ADAMTSL1: variants seen among roughly 807,000 people sequenced by gnomAD.
ADAMTSL1 encodes the protein ADAMTS-like protein 1.
Under a neutral mutation model 201.8 loss-of-function variants are expected in ADAMTSL1, and 126 were observed. That is an observed-to-expected ratio of 0.62 (90% CI 0.54 to 0.72). The LOEUF is 0.72. Ranked by LOEUF, ADAMTSL1 falls within the 30% of genes least tolerant of loss-of-function variation. The pLI is 0.00. For synonymous variants in ADAMTSL1, 1,121 were observed against 903.4 expected (o/e 1.24, Z -4.32); for missense variants, 2,679 against 2,277.8 (o/e 1.18, Z -3.59).
At chr9:17,953,625 T>C (rs1057502063) in intron 1 of ADAMTSL1, among the ~76,000 whole-genome samples, 1 of 152,220 alleles carries the variant, frequency 6.6e-6, no homozygotes, top group Admixed American at 6.5e-5. Context: ...TAAGTCTTTA[T>C]GTACTGATTT....
intron 1 of ADAMTSL1, among the ~76,000 whole-genome samples, chr9:18,078,593 C>T (rs553953213): frequency 3.7e-4 from 56 of 152,218 alleles, no homozygotes; most frequent in Middle Eastern, 3.4e-3. Flanking sequence ...TTTCTTTGGT[C>T]CTGGTGTATA....
rs1331335639 is a variant in ADAMTSL1 at position 18,777,817 on chromosome 9, G to A, written c.3588G>A (p.Leu1196=). ...GQTVALASGT[L]SVLLHCEAIG... ...CGGTGGCCCTGGCCAGCGGGACACT[G>A]AGTGTTCTTCTGCACTGTGAGGCCA... is the stretch of plus-strand genomic sequence containing the variant. The change falls in exon 19 of 29, where the codon CTG becomes CTA. Residue 1196 remains leucine (L), a synonymous_variant. Transcript: ENST00000380548. The A allele has an allele frequency of 6.2e-7, 1 of 1,613,648 alleles. No homozygotes were observed. Among genetic ancestry groups the A allele is most frequent in the Non-Finnish European group, 8.5e-7 (1 of 1,179,740 alleles).
chr9:18,045,788 T>C (rs1389563768), intron 1 of ADAMTSL1, among the ~76,000 whole-genome samples: 3 of 152,038 alleles, frequency 2.0e-5, no homozygotes, highest in Non-Finnish European at 4.4e-5. Context: ...CTACTCTAAG[T>C]CCTGATACTC....
chr9:18,411,197 T>TA (rs61015336), intron 2 of ADAMTSL1, among the ~76,000 whole-genome samples: 18 of 137,352 alleles, frequency 1.3e-4, no homozygotes, highest in African/African-American at 5.5e-4. Flanking sequence ...TTTATTTATT[T>TA]TTATTTATTT....
At chr9:18,178,447 G>A (rs1330819737) in intron 2 of ADAMTSL1, among the ~76,000 whole-genome samples, 2 of 152,176 alleles carry the variant, frequency 1.3e-5, no homozygotes, top group Non-Finnish European at 2.9e-5. Flanking sequence ...GCGAGGCTGG[G>A]GGAGGGGCGC....
chr9:17,951,224 G>A (rs1365258858), intron 1 of ADAMTSL1, among the ~76,000 whole-genome samples: 1 of 152,134 alleles, frequency 6.6e-6, no homozygotes, highest in East Asian at 1.9e-4. Context: ...GATCTGGAAA[G>A]GTAAAGAGAT....
chr9:18,252,500 A>T (rs1237058593), intron 2 of ADAMTSL1, among the ~76,000 whole-genome samples: 1 of 152,202 alleles, frequency 6.6e-6, no homozygotes. Context: ...GTATACTTTA[A>T]ATCACCTCTA....
chr9:18,855,749 G>A (rs946727488), intron 23 of ADAMTSL1, among the ~76,000 whole-genome samples: 4 of 152,106 alleles, frequency 2.6e-5, no homozygotes, highest in Admixed American at 2.6e-4. Flanking sequence ...AAAATAATGA[G>A]CTCCCTGTAC....
At chr9:18,779,094 A>C (rs182691714) in intron 19 of ADAMTSL1, among the ~76,000 whole-genome samples, 1 of 152,240 alleles carries the variant, frequency 6.6e-6, no homozygotes, top group Non-Finnish European at 1.5e-5. Context: ...TTATTCTAAC[A>C]TTCAATCCAC....
chr9:18,776,132 A>G (rs1383241327), intron 18 of ADAMTSL1, among the ~76,000 whole-genome samples: 2 of 152,194 alleles, frequency 1.3e-5, no homozygotes, highest in Non-Finnish European at 2.9e-5. Flanking sequence ...GGGGTAGAGC[A>G]AAGTTCACTT....
chr9:18,381,279 G>A (rs1837544434), intron 2 of ADAMTSL1, among the ~76,000 whole-genome samples: 1 of 152,054 alleles, frequency 6.6e-6, no homozygotes, highest in South Asian at 2.1e-4. Flanking sequence ...AAATCAGTAG[G>A]TCTTTGTGTT....
At chr9:18,556,400 G>T (rs777790816) in intron 3 of ADAMTSL1, among the ~76,000 whole-genome samples, 1 of 151,990 alleles carries the variant, frequency 6.6e-6, no homozygotes, top group Non-Finnish European at 1.5e-5. Flanking sequence ...TAAGTGGAAA[G>T]CTTTATTAAT....
chr9:18,855,156 A>G (rs1281591964), intron 23 of ADAMTSL1, among the ~76,000 whole-genome samples: 4 of 152,326 alleles, frequency 2.6e-5, no homozygotes, highest in African/African-American at 7.2e-5. Context: ...CGAGGCTAAC[A>G]GCTTGGAAAA....
chr9:18,457,264 T>G (rs955643090), intron 2 of ADAMTSL1, among the ~76,000 whole-genome samples: 1 of 152,212 alleles, frequency 6.6e-6, no homozygotes, highest in South Asian at 2.1e-4. Context: ...TGAGGAATAG[T>G]GACACATCAG....
At chr9:17,924,335 C>G (rs1225250465) in intron 1 of ADAMTSL1, among the ~76,000 whole-genome samples, 1 of 152,208 alleles carries the variant, frequency 6.6e-6, no homozygotes, top group East Asian at 1.9e-4. Context: ...GATTCAACTT[C>G]TTCCTGGTTT....
chr9:18,737,319 CAAA>C lies in ADAMTSL1; in HGVS notation c.2006+15676_2006+15678del, dbSNP rs59511409. Among the ~76,000 whole-genome samples, 510 of 53,624 alleles carry C rather than the reference CAAA, an allele frequency of 9.5e-3. 3 individuals carry two copies. Among genetic ancestry groups the C allele is most frequent in the African/African-American group, 0.036 (462 of 12,896 alleles). 35.2% of individuals were successfully genotyped at this position (53,624 alleles called of 152,430 possible). A position where few individuals can be genotyped will look rare whatever the true frequency, so the allele number is the denominator to read the frequency against. On this transcript the variant is annotated intron_variant, in intron 15 of 28. Coordinates refer to ENST00000380548, the MANE Select transcript of ADAMTSL1 (RefSeq NM_001040272.6). ...GCCCAACAAGAGTGAAACTCTGTCT[CAAA>C]AAAAAAAAAAAAAAAAAAAAAGTGA...
At chr9:18,395,005 G>A (rs906704184) in intron 2 of ADAMTSL1, among the ~76,000 whole-genome samples, 4 of 152,116 alleles carry the variant, frequency 2.6e-5, no homozygotes, top group Admixed American at 2.6e-4. Flanking sequence ...GGAAACCTTG[G>A]TTTAAGCAAT....
intron 2 of ADAMTSL1, among the ~76,000 whole-genome samples, chr9:18,190,644 C>G (rs529727464): frequency 2.0e-5 from 3 of 152,300 alleles, no homozygotes; most frequent in South Asian, 2.1e-4. Context: ...TTAAATAAAT[C>G]CTGCTGAAGA....
In ADAMTSL1 at chr9:18,770,754, C is replaced by A. The variant is rs765796730; in HGVS notation, c.2370C>A (p.Ser790Arg). ...CATGCAAGAAAGATGACTGTCCCAG[C>A]GAGTGGCTTCTCTCAGACTGGACAG... ...QQACKKDDCP[S>R]EWLLSDWTEC... The change falls in exon 17 of 29, where the codon AGC (serine) becomes AGA (arginine). Residue 790 changes from serine (S) to arginine (R), a missense_variant. Physicochemically the swap from Ser to Arg is moderately radical, Grantham distance 110. Transcript: ENST00000380548. The A allele has an allele frequency of 1.2e-5, 19 of 1,613,682 alleles. No individual in the cohort carries two copies. Among genetic ancestry groups the A allele is most frequent in the Non-Finnish European group, 1.5e-5 (18 of 1,179,856 alleles).
Sources: gnomAD v4.1 joint callset for allele counts (sites outside exome capture counted in the v4.1 genomes callset) on GRCh38, gnomAD v4.1.1 for gene constraint, MANE v1.5 for transcripts, NCBI Gene and HGNC (gene_info 2026-07-23, HGNC 2026-07-21) for gene names.